Variants in USP5 observed in about 807,000 individuals in gnomAD.
The protein encoded by USP5 is ubiquitin specific peptidase 5, also known as ubiquitin carboxyl-terminal hydrolase 5.
A neutral mutation model predicts 102.5 loss-of-function variants in USP5; 24 were observed. The observed-to-expected ratio is 0.23, with a 90% CI of 0.17 to 0.33. USP5 has a LOEUF of 0.33. USP5 is among the 10% of genes least tolerant of loss of function. USP5 has a pLI of 1.00. For synonymous variants in USP5, 460 were observed against 434.8 expected (o/e 1.06, Z -0.72); for missense variants, 753 against 1,122.1 (o/e 0.67, Z 4.70).
intron 1 of USP5, among the ~76,000 whole-genome samples, chr12:6,854,207 C>G (rs565755536): frequency 3.3e-5 from 5 of 152,160 alleles, no homozygotes; most frequent in Admixed American, 6.5e-5. Flanking sequence ...AGATTGTTGT[C>G]AGAACGGGAT....
Position 6,864,869 on chromosome 12 carries a change from C to A in USP5, c.2392C>A (p.Pro798Thr), listed in dbSNP as rs782192969. ...AGTGGGACCTAAAGTCCGGGATGGT[C>A]CTGGAAGTGAGTATCCCCAGGAAGC... ...VPVGPKVRDG[P>T]GKYQLFAFIS... The change falls in exon 18 of 20, where the codon CCT (proline) becomes ACT (threonine). Residue 798 changes from proline (P) to threonine (T), a missense_variant. Pro to Thr is a conservative substitution (Grantham distance 38, BLOSUM62 -1). This residue lies in a region of USP5 where 193 missense variants were observed against 230.2 expected (regional missense o/e 0.84). Transcript: ENST00000229268. This position sits in a 1 kb window ranked among gnomAD's most constrained non-coding sequence, Gnocchi z 4.8. 1 of 1,613,220 alleles carries A rather than the reference C, an allele frequency of 6.2e-7. No homozygotes were observed. The highest frequency in any genetic ancestry group is 8.5e-7 in the Non-Finnish European group (1 of 1,179,784).
At position 6,861,388 on chromosome 12, in the gene USP5, A is replaced by G; in HGVS notation, c.1499-55A>G. On this transcript the variant is annotated intron_variant, in intron 12 of 19. Transcript: ENST00000229268. This position sits in a 1 kb window ranked among gnomAD's most constrained non-coding sequence, Gnocchi z 4.9. The stretch of plus-strand genomic sequence containing the variant: ...ACACAGAGCCAGTAGGGAGAGGCTA[A>G]GGAGGCAAAGAAGCAGCACCCTCCG... The G allele has an allele frequency of 6.6e-7, 1 of 1,516,180 alleles. No individual in the cohort carries two copies. Among genetic ancestry groups the G allele is most frequent in the Middle Eastern group, 1.8e-4 (1 of 5,506 alleles). The allele number at this position is 1,516,180 out of a possible 1,614,324, so 93.9% of individuals were successfully genotyped here.
Position 6,863,700 on chromosome 12 carries a change from A to C in USP5, c.1955-130A>C. 2 of 1,339,874 alleles carry C rather than the reference A, an allele frequency of 1.5e-6. No homozygotes were observed. Among genetic ancestry groups the C allele is most frequent in the Non-Finnish European group, 2.0e-6 (2 of 996,812 alleles). The allele number at this position is 1,339,874 out of a possible 1,614,324, so 83.0% of individuals were successfully genotyped here. On this transcript the variant is annotated intron_variant, in intron 15 of 19. Transcript: ENST00000229268. The surrounding 1 kb of genome is among the most constrained non-coding windows in gnomAD (Gnocchi z 4.7). ...ATTGTGTGGTCATTTTGGTTTTGGG[A>C]TAAGGTGCCAATCCATGGGAGAAAA... is the stretch of plus-strand genomic sequence containing the variant.
At chr12:6,854,602 A>G (rs1944053261) in intron 1 of USP5, among the ~76,000 whole-genome samples, 1 of 151,926 alleles carries the variant, frequency 6.6e-6, no homozygotes, top group African/African-American at 2.4e-5. Flanking sequence ...AAAAAAAAAA[A>G]AAAAAAAAAT....
intron 19 of USP5, 117 bp downstream of exon 19, chr12:6,865,365 A>G (rs1944411136): frequency 1.1e-6 from 1 of 919,854 alleles, no homozygotes; most frequent in Admixed American, 2.1e-5. Context: ...ATGGGGACAT[A>G]AAGTGCCAGA....
chr12:6,860,104 G>C lies in USP5; in HGVS notation c.1131-47G>C, dbSNP rs782389140. 5.6e-6 allele frequency: 9 copies of C among 1,596,232 alleles called. No individual in the cohort carries two copies. The highest frequency in any genetic ancestry group is 5.4e-5 in the African/African-American group (4 of 73,676). Reference sequence around the variant, plus strand: ...AGGGGGTTGAGCTGGGGACACACAGGGTCGTTAGTTGACTGAAGTGAAATG... The same window carrying C: ...AGGGGGTTGAGCTGGGGACACACAGCGTCGTTAGTTGACTGAAGTGAAATG... On this transcript the variant is annotated intron_variant, in intron 9 of 19. Coordinates refer to ENST00000229268, the MANE Select transcript of USP5 (RefSeq NM_001098536.2). This position sits in a 1 kb window ranked among gnomAD's most constrained non-coding sequence, Gnocchi z 5.5.
In USP5 at chr12:6,856,956, G is replaced by C. The variant is rs1944133949; in HGVS notation, c.769+65G>C. Reference sequence around the variant, plus strand: ...ATATTTCATTTGTTAGTAATTTCGTGTGACATGTATAATACATGAATGCAT... The same window carrying C: ...ATATTTCATTTGTTAGTAATTTCGTCTGACATGTATAATACATGAATGCAT... On this transcript the variant is annotated intron_variant, in intron 6 of 19. Coordinates refer to ENST00000229268, the MANE Select transcript of USP5 (RefSeq NM_001098536.2). The surrounding 1 kb of genome is among the most constrained non-coding windows in gnomAD (Gnocchi z 5.6). 6.4e-7 allele frequency: 1 copy of C among 1,563,368 alleles called. No individual in the cohort carries two copies. The highest frequency in any genetic ancestry group is 1.2e-5 in the South Asian group (1 of 86,040).
Position 6,852,295 on chromosome 12 carries a change from G to A in USP5, c.111+5G>A, listed in dbSNP as rs1555127037. On this transcript the variant is annotated splice_donor_5th_base_variant and intron_variant, in intron 1 of 19. Coordinates refer to ENST00000229268, the MANE Select transcript of USP5 (RefSeq NM_001098536.2). ...GCCTTCTCCTTCGACACGCCGGTAA[G>A]CCCATTCCCCACGCCCGCAACGAGC... 1 of 1,605,094 alleles carries A rather than the reference G, an allele frequency of 6.2e-7. No homozygotes were observed. The highest frequency in any genetic ancestry group is 8.5e-7 in the Non-Finnish European group (1 of 1,176,000).
chr12:6,860,093 G>T lies in USP5; in HGVS notation c.1131-58G>T. On this transcript the variant is annotated intron_variant, in intron 9 of 19. Coordinates refer to ENST00000229268, the MANE Select transcript of USP5 (RefSeq NM_001098536.2). This position sits in a 1 kb window ranked among gnomAD's most constrained non-coding sequence, Gnocchi z 5.5. ...GAGCCACGAGCAGGGGGTTGAGCTG[G>T]GGACACACAGGGTCGTTAGTTGACT... 6.3e-7 allele frequency: 1 copy of T among 1,582,162 alleles called. No homozygotes were observed. The highest frequency in any genetic ancestry group is 1.1e-5 in the South Asian group (1 of 87,460).
chr12:6,859,615 G>A, intron 9 of USP5, 74 bp downstream of exon 9: 2 of 1,428,138 alleles, frequency 1.4e-6, no homozygotes, highest in Non-Finnish European at 2.0e-6. Context: ...CTGACCGCCT[G>A]GGGGGCACAG....
intron 1 of USP5, among the ~76,000 whole-genome samples, chr12:6,854,759 A>AT (rs1944058590): frequency 6.6e-6 from 1 of 151,608 alleles, no homozygotes; most frequent in South Asian, 2.1e-4. Flanking sequence ...TGTCTCTAAA[A>AT]TAAAATTTTT....
At chr12:6,852,336 C>T (rs1220188977) in intron 1 of USP5, 46 bp downstream of exon 1, 1 of 1,556,626 alleles carries the variant, frequency 6.4e-7, no homozygotes, top group Non-Finnish European at 8.7e-7. Context: ...TTCCTTCCAT[C>T]GCCCTGGTCA....
Position 6,855,711 on chromosome 12 carries a change from C to G in USP5, c.238-44C>G. On this transcript the variant is annotated intron_variant, in intron 2 of 19. Coordinates refer to ENST00000229268, the MANE Select transcript of USP5 (RefSeq NM_001098536.2). The surrounding 1 kb of genome is among the most constrained non-coding windows in gnomAD (Gnocchi z 4.6). ...CGTCCCTCCTCCCGACTTGTTCCTT[C>G]GCTCGTGCTCATTGCTGATCCAGCC... 1.2e-6 allele frequency: 2 copies of G among 1,612,456 alleles called. No individual in the cohort carries two copies. Among genetic ancestry groups the G allele is most frequent in the Non-Finnish European group, 1.7e-6 (2 of 1,178,838 alleles).
At position 6,856,650 on chromosome 12, in the gene USP5, G is replaced by T; in HGVS notation, c.585-57G>T. ...GGGGCCTGCAGAGCCCTCTCTCTCT[G>T]CCACTCCCTCAAATCCCCGACCCAC... On this transcript the variant is annotated intron_variant, in intron 5 of 19. Transcript: ENST00000229268. This position sits in a 1 kb window ranked among gnomAD's most constrained non-coding sequence, Gnocchi z 5.6. 1.3e-6 allele frequency: 2 copies of T among 1,594,114 alleles called. No individual in the cohort carries two copies. Among genetic ancestry groups the T allele is most frequent in the Admixed American group, 1.7e-5 (1 of 59,248 alleles).
chr12:6,852,710 G>A (rs1176035326), intron 1 of USP5, among the ~76,000 whole-genome samples: 4 of 152,226 alleles, frequency 2.6e-5, no homozygotes, highest in African/African-American at 9.6e-5. Flanking sequence ...TTCTCGGCCG[G>A]GGTTGGAGTT....
At position 6,864,486 on chromosome 12, in the gene USP5, A is replaced by G. The variant is rs1337450112; in HGVS notation, c.2245-236A>G. Among the ~76,000 whole-genome samples the G allele has an allele frequency of 2.0e-5, 3 of 152,182 alleles. No homozygotes were observed. Among genetic ancestry groups the G allele is most frequent in the Admixed American group, 6.5e-5 (1 of 15,280 alleles). ...GGGCGGATCACGCGGTCAGCAGATC[A>G]AGACCATCCTGGCTAACACGGTGAA... is the stretch of plus-strand genomic sequence containing the variant. On this transcript the variant is annotated intron_variant, in intron 17 of 19. Coordinates refer to ENST00000229268, the MANE Select transcript of USP5 (RefSeq NM_001098536.2). This position sits in a 1 kb window ranked among gnomAD's most constrained non-coding sequence, Gnocchi z 4.8.
Position 6,856,621 on chromosome 12 carries a change from G to T in USP5, c.585-86G>T. The T allele has an allele frequency of 6.5e-7, 1 of 1,540,994 alleles. No homozygotes were observed. The highest frequency in any genetic ancestry group is 2.3e-5 in the East Asian group (1 of 43,212). On this transcript the variant is annotated intron_variant, in intron 5 of 19. Transcript: ENST00000229268. The surrounding 1 kb of genome is among the most constrained non-coding windows in gnomAD (Gnocchi z 5.6). The stretch of plus-strand genomic sequence containing the variant: ...GAGAAGAGAGAGAGACCTTGGATTG[G>T]CGGGGGGCCTGCAGAGCCCTCTCTC...
chr12:6,856,402 A>T lies in USP5; in HGVS notation c.536A>T (p.His179Leu). 6.2e-7 allele frequency: 1 copy of T among 1,613,924 alleles called. No individual in the cohort carries two copies. ...GGGGAAGTACGGCAGGTGTCTAAGCATGCCTTCAGCCTCAAGCAGTTGGAC... is the reference window on the plus strand; with the variant it reads ...GGGGAAGTACGGCAGGTGTCTAAGCTTGCCTTCAGCCTCAAGCAGTTGGAC... The part of the protein sequence containing the change: ...WDGEVRQVSK[H>L]AFSLKQLDNP... Residue 179 changes from histidine (H) to leucine (L), a missense_variant, in exon 5 of 20, where the codon CAT (histidine) becomes CTT (leucine). His to Leu is a moderately conservative substitution (Grantham distance 99, BLOSUM62 -3). Transcript: ENST00000229268. This position sits in a 1 kb window ranked among gnomAD's most constrained non-coding sequence, Gnocchi z 5.6.
rs1488321623 is a variant in USP5 at position 6,856,955 on chromosome 12, T to C, written c.769+64T>C. 1 of 1,565,418 alleles carries C rather than the reference T, an allele frequency of 6.4e-7. No individual in the cohort carries two copies. Among genetic ancestry groups the C allele is most frequent in the Non-Finnish European group, 8.7e-7 (1 of 1,153,240 alleles). ...TATATTTCATTTGTTAGTAATTTCG[T>C]GTGACATGTATAATACATGAATGCA... On this transcript the variant is annotated intron_variant, in intron 6 of 19. Transcript: ENST00000229268. This position sits in a 1 kb window ranked among gnomAD's most constrained non-coding sequence, Gnocchi z 5.6.
Sources: gnomAD v4.1 joint callset for allele counts (sites outside exome capture counted in the v4.1 genomes callset) on GRCh38, gnomAD v4.1.1 for gene constraint, gnomAD v4.1.1 regional missense constraint, Gnocchi (gnomAD v3.1) non-coding constraint, MANE v1.5 for transcripts, NCBI Gene and HGNC (gene_info 2026-07-23, HGNC 2026-07-21) for gene names.